Variants in MARCHF1 observed in about 807,000 individuals in gnomAD.
MARCHF1 encodes the protein E3 ubiquitin-protein ligase MARCHF1.
A neutral mutation model predicts 54.2 loss-of-function variants in MARCHF1; 40 were observed. That is an observed-to-expected ratio of 0.74 (90% CI 0.57 to 0.96). The LOEUF (loss-of-function observed/expected upper bound fraction) is 0.96. Among genes scored for constraint, MARCHF1 ranks in the 40% least tolerant of loss-of-function variants. The probability of loss-of-function intolerance (pLI) is 0.00; values close to 1 mark genes in which losing one functional copy is unlikely to be tolerated. For synonymous variants in MARCHF1, 236 were observed against 236.3 expected, an observed-to-expected ratio of 1.00 and a Z score of 0.01; for missense variants, 586 against 656.5, an observed-to-expected ratio of 0.89 and a Z score of 1.17.
At chr4:163,961,164 G>A (rs140579156) in intron 3 of MARCHF1, among the ~76,000 whole-genome samples, 1 of 151,978 alleles carries the variant, frequency 6.6e-6, no homozygotes, top group African/African-American at 2.4e-5. Flanking sequence ...CTATTCATAG[G>A]CCTCAGCCTG....
intron 2 of MARCHF1, among the ~76,000 whole-genome samples, chr4:164,061,940 C>T (rs1225372512): frequency 6.6e-6 from 1 of 152,064 alleles, no homozygotes; most frequent in Non-Finnish European, 1.5e-5. Flanking sequence ...ATGAAGTTTT[C>T]CACATTAACT....
At chr4:164,144,999 G>T (rs1295817610) in intron 1 of MARCHF1, among the ~76,000 whole-genome samples, 4 of 134,330 alleles carry the variant, frequency 3.0e-5, no homozygotes, top group Admixed American at 7.8e-5. Flanking sequence ...TATCACCACC[G>T]ATCCCACAGA....
chr4:163,790,054 C>A (rs1181508678), intron 4 of MARCHF1, among the ~76,000 whole-genome samples: 2 of 152,058 alleles, frequency 1.3e-5, no homozygotes, highest in Non-Finnish European at 2.9e-5. Flanking sequence ...TAATTTTCAT[C>A]TTTTCAAATA....
At chr4:164,007,165 T>TAA (rs1753309760) in intron 2 of MARCHF1, among the ~76,000 whole-genome samples, 1 of 149,054 alleles carries the variant, frequency 6.7e-6, no homozygotes, top group African/African-American at 2.5e-5. Context: ...GCTAGCACGG[T>TAA]AAAACCCTGT....
chr4:164,143,593 A>G (rs1386648800), intron 1 of MARCHF1, among the ~76,000 whole-genome samples: 1 of 152,034 alleles, frequency 6.6e-6, no homozygotes, highest in Non-Finnish European at 1.5e-5. Flanking sequence ...GTGAAGGAGA[A>G]ATAAAATCCT....
intron 3 of MARCHF1, among the ~76,000 whole-genome samples, chr4:163,944,934 T>G (rs1174425062): frequency 6.6e-6 from 1 of 152,176 alleles, no homozygotes; most frequent in Non-Finnish European, 1.5e-5. Flanking sequence ...CTATTCATAT[T>G]CCTAGGACCT....
intron 1 of MARCHF1, among the ~76,000 whole-genome samples, chr4:164,362,813 C>G (rs554841103): frequency 1.3e-5 from 2 of 152,082 alleles, no homozygotes; most frequent in East Asian, 3.9e-4. Flanking sequence ...ATAGATGTTC[C>G]TCTGTTCCAA....
chr4:164,273,759 G>C (rs997642426), intron 1 of MARCHF1, among the ~76,000 whole-genome samples: 2 of 152,108 alleles, frequency 1.3e-5, no homozygotes, highest in Non-Finnish European at 2.9e-5. Context: ...TCACTAGTTA[G>C]AGCAATACAA....
chr4:163,914,131 A>G (rs1751255916), intron 3 of MARCHF1, among the ~76,000 whole-genome samples: 1 of 152,116 alleles, frequency 6.6e-6, no homozygotes, highest in South Asian at 2.1e-4. Context: ...AAAATCATGA[A>G]TGCTGAGGAG....
At chr4:164,366,305 A>C (rs1258633329) in intron 1 of MARCHF1, among the ~76,000 whole-genome samples, 1 of 152,100 alleles carries the variant, frequency 6.6e-6, no homozygotes, top group Non-Finnish European at 1.5e-5. Context: ...GCAGATACAA[A>C]CATAGTCCTG....
chr4:163,992,047 A>C (rs1752976225), intron 2 of MARCHF1, among the ~76,000 whole-genome samples: 1 of 105,438 alleles, frequency 9.5e-6, no homozygotes, highest in Non-Finnish European at 1.8e-5. Context: ...GACCAGCTTG[A>C]TCTTTGTCAG....
At chr4:163,921,252 G>T (rs1232145174) in intron 3 of MARCHF1, among the ~76,000 whole-genome samples, 1 of 150,408 alleles carries the variant, frequency 6.6e-6, no homozygotes, top group East Asian at 2.0e-4. Flanking sequence ...TAGATGTTTG[G>T]AAACAGAGGA....
chr4:164,011,841 G>A (rs939428834), intron 2 of MARCHF1, among the ~76,000 whole-genome samples: 2 of 152,172 alleles, frequency 1.3e-5, no homozygotes, highest in African/African-American at 2.4e-5. Flanking sequence ...AGACACTCTT[G>A]CATTGCCTAC....
At chr4:164,254,553 T>C (rs940649790) in intron 1 of MARCHF1, among the ~76,000 whole-genome samples, 7 of 151,946 alleles carry the variant, frequency 4.6e-5, no homozygotes, top group Admixed American at 3.9e-4. Flanking sequence ...GTTTATTAAG[T>C]ATTAACTTAA....
chr4:163,908,873 A>G (rs1272702239), intron 3 of MARCHF1, among the ~76,000 whole-genome samples: 2 of 152,134 alleles, frequency 1.3e-5, no homozygotes, highest in South Asian at 2.1e-4. Flanking sequence ...TCTAGTGTAG[A>G]TGTGCAAGAT....
intron 2 of MARCHF1, among the ~76,000 whole-genome samples, chr4:164,073,056 G>T (rs912042835): frequency 1.3e-5 from 2 of 152,134 alleles, no homozygotes; most frequent in Non-Finnish European, 2.9e-5. Context: ...AAGGAGAGAA[G>T]AAATTCCAGA....
intron 1 of MARCHF1, among the ~76,000 whole-genome samples, chr4:164,200,243 T>C (rs550260412): frequency 6.6e-6 from 1 of 152,354 alleles, no homozygotes; most frequent in East Asian, 1.9e-4. Flanking sequence ...GTCTATTATA[T>C]TATTTACTGG....
intron 3 of MARCHF1, among the ~76,000 whole-genome samples, chr4:163,895,899 C>T (rs1461469154): frequency 6.6e-6 from 1 of 151,972 alleles, no homozygotes; most frequent in Non-Finnish European, 1.5e-5. Context: ...GTAAGCATGA[C>T]CCCCCCACTG....
chr4:163,829,356 T>C (rs766836845), intron 4 of MARCHF1, among the ~76,000 whole-genome samples: 1 of 152,190 alleles, frequency 6.6e-6, no homozygotes, highest in Non-Finnish European at 1.5e-5. Flanking sequence ...CTAGAGGTAC[T>C]GTTTTAGTTA....
Sources: allele counts gnomAD v4.1 joint callset (sites outside exome capture counted in the v4.1 genomes callset), GRCh38; gene constraint gnomAD v4.1.1; transcripts MANE v1.5; gene names NCBI Gene and HGNC (gene_info 2026-07-23, HGNC 2026-07-21).